The following PPFIA4 variants were observed in gnomAD, a reference collection of about 807,000 sequenced individuals.
PPFIA4 encodes the protein PPFI scaffold protein A4, also known as liprin-alpha-4.
In PPFIA4, 98 loss-of-function variants were observed where a neutral mutation model predicts 145.7. The ratio of observed to expected loss-of-function variants is 0.67; its 90% CI spans 0.57 to 0.80. The LOEUF (loss-of-function observed/expected upper bound fraction) is 0.80. PPFIA4 is among the 30% of genes least tolerant of loss of function. The pLI is 0.00. For synonymous variants in PPFIA4, 628 were observed against 649.6 expected, an observed-to-expected ratio of 0.97 and a Z score of 0.51; for missense variants, 1,457 against 1,632.7, an observed-to-expected ratio of 0.89 and a Z score of 1.85.
chr1:203,039,797 T>G (rs1659570811), intron 2 of PPFIA4, among the ~76,000 whole-genome samples: 1 of 152,218 alleles, frequency 6.6e-6, no homozygotes, highest in Non-Finnish European at 1.5e-5. Flanking sequence ...GACCAAGCAC[T>G]TTATAAGGAT....
chr1:203,044,912 C>T (rs752050267), intron 6 of PPFIA4, 127 bp downstream of exon 6: 1 of 807,762 alleles, frequency 1.2e-6, no homozygotes, highest in South Asian at 1.5e-5. Context: ...CTGATATTCC[C>T]CCTTCTCTTT....
At chr1:203,062,479 CAAAAAAA>C (rs34987795) in intron 24 of PPFIA4, among the ~76,000 whole-genome samples, 11 of 35,384 alleles carry the variant, frequency 3.1e-4, no homozygotes, top group Admixed American at 1.3e-3. Context: ...GACTCCGTCT[CAAAAAAA>C]AAAAAAAAAA....
intron 28 of PPFIA4, among the ~76,000 whole-genome samples, chr1:203,073,727 T>C (rs1327513922): frequency 6.6e-6 from 1 of 152,134 alleles, no homozygotes; most frequent in African/African-American, 2.4e-5. Context: ...CAGGAAGGAA[T>C]AACATCTGAC....
intron 27 of PPFIA4, among the ~76,000 whole-genome samples, 188 bp from the exon 28 acceptor site, chr1:203,071,504 T>G (rs890186282): frequency 6.6e-6 from 1 of 152,174 alleles, no homozygotes; most frequent in African/African-American, 2.4e-5. Context: ...AATCCTAGGC[T>G]TACAGCTTTA....
chr1:203,035,776 GCTCC>G, intron 1 of PPFIA4: 1 of 405,468 alleles, frequency 2.5e-6, no homozygotes, highest in African/African-American at 2.1e-5. Flanking sequence ...CTGTCCTGGG[GCTCC>G]CTTCTGCTCA....
rs1460298117 is a variant in PPFIA4, at chr1:203,038,701, C to T, written c.-308C>T. 1 of 228,422 alleles carries T rather than the reference C, an allele frequency of 4.4e-6. No individual in the cohort carries two copies. The highest frequency in any genetic ancestry group is 2.3e-5 in the African/African-American group (1 of 43,142). 14.1% of individuals were successfully genotyped at this position (228,422 alleles called of 1,614,324 possible). A position where few individuals can be genotyped will look rare whatever the true frequency, so the allele number is the denominator to read the frequency against. ...TCAGTCTAAGAGAAGGGCCATCTTC[C>T]AGCCCTGCTGTCCCTGCCTGTCATG... On this transcript the variant is annotated 5_prime_UTR_variant, in exon 2 of 30. Coordinates refer to ENST00000295706, the MANE Select transcript of PPFIA4 (RefSeq NM_001304331.2).
intron 27 of PPFIA4, among the ~76,000 whole-genome samples, chr1:203,069,755 A>ACCCTCACCCCC (rs1553260595): frequency 9.5e-6 from 1 of 104,766 alleles, no homozygotes; most frequent in Non-Finnish European, 2.0e-5. Flanking sequence ...TTCTGCAGTG[A>ACCCTCACCCCC]CCCCCCCGCC....
In PPFIA4 at chr1:203,075,737, C is replaced by T. The variant is rs374989396; in HGVS notation, c.3554C>T (p.Pro1185Leu). ...LGTLQPPPAPPKKIMPEAHSH... is the reference protein window; with the variant it reads ...LGTLQPPPAPLKKIMPEAHSH... ...ACCCTGCAGCCCCCACCGGCCCCGC[C>T]AAAGAAGATCATGCCTGAAGGTGAG... is the stretch of plus-strand genomic sequence containing the variant. Residue 1185 changes from proline to leucine, a missense_variant, in exon 29 of 30, where the codon CCA (proline) becomes CTA (leucine). This residue lies in a region of PPFIA4 where 146 missense variants were observed against 126.2 expected (regional missense o/e 1.16). Transcript: ENST00000295706. This position sits in a 1 kb window ranked among gnomAD's most constrained non-coding sequence, Gnocchi z 4.1. 49 of 1,377,696 alleles carry T rather than the reference C, an allele frequency of 3.6e-5. 2 individuals carry two copies. The Admixed American group carries it at 4.4e-4, about 12-fold the overall frequency. 85.3% of individuals were successfully genotyped at this position (1,377,696 alleles called of 1,614,324 possible).
chr1:203,048,476 G>GTGGCTCC lies in PPFIA4; in HGVS notation c.1225-106_1225-100dup, dbSNP rs1413470518. The stretch of plus-strand genomic sequence containing the variant: ...GGAGGTGGTCAGGAGACTGGAGAGA[G>GTGGCTCC]TGGCTCCCAGAGGATGAGAAGAGGA... On this transcript the variant is annotated intron_variant, in intron 10 of 29. Coordinates refer to ENST00000295706, the MANE Select transcript of PPFIA4 (RefSeq NM_001304331.2). This position sits in a 1 kb window ranked among gnomAD's most constrained non-coding sequence, Gnocchi z 5.8. 16 of 1,507,068 alleles carry GTGGCTCC rather than the reference G, an allele frequency of 1.1e-5. No homozygotes were observed. Among genetic ancestry groups the GTGGCTCC allele is most frequent in the Non-Finnish European group, 1.4e-5 (16 of 1,112,316 alleles). The allele number at this position is 1,507,068 out of a possible 1,614,324, so 93.4% of individuals were successfully genotyped here. A position where few individuals can be genotyped will look rare whatever the true frequency, so the allele number is the denominator to read the frequency against.
At chr1:203,061,100 G>T in intron 23 of PPFIA4, 68 bp downstream of exon 23, 1 of 1,465,712 alleles carries the variant, frequency 6.8e-7, no homozygotes, top group Admixed American at 1.7e-5. Flanking sequence ...GAGGATGAGG[G>T]GAAGGCTGTG....
intron 1 of PPFIA4, among the ~76,000 whole-genome samples, chr1:203,029,600 T>C (rs923227903): frequency 3.3e-5 from 5 of 152,200 alleles, no homozygotes; most frequent in African/African-American, 9.6e-5. Flanking sequence ...TAAGTGATCA[T>C]TGGATTGAAT....
chr1:203,045,801 A>AT, intron 7 of PPFIA4, 40 bp from the exon 8 acceptor site: 1 of 1,612,486 alleles, frequency 6.2e-7, no homozygotes. Context: ...GGGGGCAAGG[A>AT]AAGGCTGGTT....
chr1:203,038,343 G>A (rs561798317), intron 1 of PPFIA4, among the ~76,000 whole-genome samples: 1 of 152,328 alleles, frequency 6.6e-6, no homozygotes, highest in South Asian at 2.1e-4. Flanking sequence ...AGTGAGCCAC[G>A]TGGGTAGGGG....
intron 18 of PPFIA4, 78 bp from the exon 19 acceptor site, chr1:203,056,706 G>A (rs1571712316): frequency 7.4e-7 from 1 of 1,352,092 alleles, no homozygotes; most frequent in East Asian, 2.5e-5. Context: ...TTCTTCCTGA[G>A]GTCTAACTTC....
Position 203,075,641 on chromosome 1 carries a change from A to ACGGTCG in PPFIA4, c.3462_3467dup (p.Arg1155_Gly1156dup), listed in dbSNP as rs774343232. ...AAGCGCTTCCGGCCGCGGGAGCACC[A>ACGGTCG]CGGTCGCGGCGGCATGCTCAGCGCT... is the stretch of plus-strand genomic sequence containing the variant. On this transcript the variant is annotated inframe_insertion, in exon 29 of 30. Coordinates refer to ENST00000295706, the MANE Select transcript of PPFIA4 (RefSeq NM_001304331.2). The surrounding 1 kb of genome is among the most constrained non-coding windows in gnomAD (Gnocchi z 4.1). 4.0e-6 allele frequency: 6 copies of ACGGTCG among 1,500,884 alleles called. No individual in the cohort carries two copies. Among genetic ancestry groups the ACGGTCG allele is most frequent in the Non-Finnish European group, 5.3e-6 (6 of 1,123,556 alleles). The allele number at this position is 1,500,884 out of a possible 1,614,324, so 93.0% of individuals were successfully genotyped here.
intron 25 of PPFIA4, 33 bp from the exon 26 acceptor site, chr1:203,067,662 T>G: frequency 1.3e-6 from 2 of 1,593,920 alleles, no homozygotes; most frequent in Non-Finnish European, 1.7e-6. Flanking sequence ...GTGGCCCCAC[T>G]GAGGCTCTGG....
rs1448224653 is a variant in PPFIA4, at chr1:203,044,319, T to C, written c.502-60T>C. On this transcript the variant is annotated intron_variant, in intron 4 of 29. Transcript: ENST00000295706. ...GTGGTGGTAGACCAAGCCCAGTCTC[T>C]TCCAGCCTGACTCAAGTGGGGTCCC... The C allele has an allele frequency of 6.1e-6, 9 of 1,487,320 alleles. No individual in the cohort carries two copies. In the East Asian group the frequency reaches 1.7e-4, roughly 29 times the overall value. 92.1% of individuals were successfully genotyped at this position (1,487,320 alleles called of 1,614,324 possible). A position where few individuals can be genotyped will look rare whatever the true frequency, so the allele number is the denominator to read the frequency against.
At position 203,054,427 on chromosome 1, in the gene PPFIA4, T is replaced by G. The variant is rs189338055; in HGVS notation, c.1829+466T>G. On this transcript the variant is annotated intron_variant, in intron 15 of 29. Transcript: ENST00000295706. ...CCACACAGAAGTGACAGAGCCAGGA[T>G]TCAAACTCAAGTCTGAACTTGGCCC... Among the ~76,000 whole-genome samples, 137 of 152,276 alleles carry G rather than the reference T, an allele frequency of 9.0e-4. 2 individuals are homozygous for G. Among genetic ancestry groups the G allele is most frequent in the Non-Finnish European group, 5.9e-4 (40 of 68,024 alleles).
rs781587743 is a variant in PPFIA4, at chr1:203,076,311, G to T, written c.3575-30G>T. On this transcript the variant is annotated intron_variant, in intron 29 of 29. Coordinates refer to ENST00000295706, the MANE Select transcript of PPFIA4 (RefSeq NM_001304331.2). ...CAGATGCCCTGCAACCTGCCTCACAGTGCGATGCCTGTCTCTCTCTCTCCC... is the reference window on the plus strand; with the variant it reads ...CAGATGCCCTGCAACCTGCCTCACATTGCGATGCCTGTCTCTCTCTCTCCC... 7 of 1,598,890 alleles carry T rather than the reference G, an allele frequency of 4.4e-6. No individual in the cohort carries two copies. In the East Asian group the frequency reaches 1.1e-4, roughly 25 times the overall value.
Sources: gnomAD v4.1 joint callset for allele counts (sites outside exome capture counted in the v4.1 genomes callset) on GRCh38, gnomAD v4.1.1 for gene constraint, gnomAD v4.1.1 regional missense constraint, Gnocchi (gnomAD v3.1) non-coding constraint, MANE v1.5 for transcripts, NCBI Gene and HGNC (gene_info 2026-07-23, HGNC 2026-07-21) for gene names.